The following ACKR2 variants were observed in gnomAD, a reference collection of about 807,000 sequenced individuals.
The protein encoded by ACKR2 is atypical chemokine receptor 2.
For missense variants in ACKR2, 457 were observed against 477.3 expected, an observed-to-expected ratio of 0.96 and a Z score of 0.40; for synonymous variants, 207 against 192.2, an observed-to-expected ratio of 1.08 and a Z score of -0.64.
chr3:42,846,001 G>A (rs992954280), intron 2 of ACKR2, among the ~76,000 whole-genome samples: 3 of 152,140 alleles, frequency 2.0e-5, no homozygotes, highest in African/African-American at 7.2e-5. Flanking sequence ...GCTGAGGGTG[G>A]GGGTGGAGGT....
chr3:42,825,769 G>A (rs1700856302), intron 2 of ACKR2, among the ~76,000 whole-genome samples: 1 of 151,740 alleles, frequency 6.6e-6, no homozygotes, highest in Non-Finnish European at 1.5e-5. Flanking sequence ...GGTGAAAGTG[G>A]GCATCTTTGT....
chr3:42,827,825 A>G (rs903752685), intron 2 of ACKR2, among the ~76,000 whole-genome samples: 4 of 152,130 alleles, frequency 2.6e-5, no homozygotes, highest in Admixed American at 2.0e-4. Flanking sequence ...GTCATCATCC[A>G]GCCTGTGCGT....
At chr3:42,816,309 C>A (rs79235240) in intron 1 of ACKR2, among the ~76,000 whole-genome samples, 6,974 of 151,890 alleles carry the variant, frequency 0.046, 211 homozygotes, top group Middle Eastern at 0.072. Context: ...TGGTGTACTT[C>A]AGCAAAGAAG....
chr3:42,812,680 C>CCTTTT (rs1700707643), intron 1 of ACKR2, among the ~76,000 whole-genome samples: 1 of 72,760 alleles, frequency 1.4e-5, no homozygotes, highest in Non-Finnish European at 2.4e-5. Context: ...AATTTTCAGC[C>CCTTTT]TTTTTTTTTT....
chr3:42,825,439 T>C (rs150517826), intron 2 of ACKR2, among the ~76,000 whole-genome samples: 88 of 152,278 alleles, frequency 5.8e-4, no homozygotes, highest in African/African-American at 2.0e-3. Context: ...TTAAATTTAT[T>C]CCTAGGTATC....
Position 42,865,147 on chromosome 3 carries a change from C to A in ACKR2, c.645C>A (p.Asn215Lys). ...AGCTCTTCCTCCGCTTCCAGCAGAA[C>A]CTCCTAGGGTTTCTCCTTCCACTCC... Reference protein sequence around the residue: ...IWKLFLRFQQNLLGFLLPLLA... With the variant: ...IWKLFLRFQQKLLGFLLPLLA... Residue 215 changes from asparagine (N) to lysine (K), a missense_variant, in exon 3 of 3, where the codon AAC becomes AAA. Transcript: ENST00000422265. 2 of 1,613,896 alleles carry A rather than the reference C, an allele frequency of 1.2e-6. No homozygotes were observed. The highest frequency in any genetic ancestry group is 1.1e-5 in the South Asian group (1 of 91,060).
rs555496806 is a variant in ACKR2 at position 42,813,950 on chromosome 3, T to A, written c.-119+4418T>A. 2.0e-5 allele frequency among the ~76,000 whole-genome samples: 3 copies of A among 152,322 alleles called. No individual in the cohort carries two copies. The South Asian group carries it at 6.2e-4, about 32-fold the overall frequency. ...AATTCTCCTTGCAAATTCTAAGAAG[T>A]TCACACTTTACCCAAACTTAATGTA... is the stretch of plus-strand genomic sequence containing the variant. On this transcript the variant is annotated intron_variant, in intron 1 of 2. Transcript: ENST00000422265.
chr3:42,845,634 TA>T (rs528302740), intron 2 of ACKR2, among the ~76,000 whole-genome samples: 253 of 151,938 alleles, frequency 1.7e-3, no homozygotes, highest in African/African-American at 5.7e-3. Context: ...ACTGACATTT[TA>T]AAAAACGTAA....
intron 2 of ACKR2, among the ~76,000 whole-genome samples, chr3:42,847,372 C>A (rs1701109579): frequency 6.6e-6 from 1 of 152,150 alleles, no homozygotes; most frequent in Non-Finnish European, 1.5e-5. Flanking sequence ...AGAGGAGCAT[C>A]ATTTCCTTCC....
At chr3:42,860,556 C>G (rs2088375382) in intron 2 of ACKR2, among the ~76,000 whole-genome samples, 1 of 152,210 alleles carries the variant, frequency 6.6e-6, no homozygotes, top group Non-Finnish European at 1.5e-5. Context: ...ACATTCTTCT[C>G]AGCATCCTGA....
At chr3:42,851,364 G>A in intron 2 of ACKR2, 1 of 985,430 alleles carries the variant, frequency 1.0e-6, no homozygotes, top group African/African-American at 1.7e-5. Context: ...ATTACACTCT[G>A]TCTGCACTTC....
intron 2 of ACKR2, among the ~76,000 whole-genome samples, chr3:42,826,616 T>C (rs948147588): frequency 2.0e-5 from 3 of 152,098 alleles, no homozygotes; most frequent in Non-Finnish European, 4.4e-5. Context: ...GCAATTAGAG[T>C]CTTCTCCCTT....
At chr3:42,814,728 T>G (rs933456747) in intron 1 of ACKR2, among the ~76,000 whole-genome samples, 1 of 152,184 alleles carries the variant, frequency 6.6e-6, no homozygotes, top group African/African-American at 2.4e-5. Context: ...ACTTAAAGAC[T>G]CAGTCCCTGC....
At chr3:42,853,031 G>T (rs557037159) in intron 2 of ACKR2, among the ~76,000 whole-genome samples, 1 of 152,266 alleles carries the variant, frequency 6.6e-6, no homozygotes, top group South Asian at 2.1e-4. Context: ...GGAAGACACA[G>T]CAATGACTGG....
intron 2 of ACKR2, among the ~76,000 whole-genome samples, chr3:42,845,781 G>A (rs1463740995): frequency 1.3e-5 from 2 of 150,806 alleles, no homozygotes; most frequent in African/African-American, 2.4e-5. Context: ...CCTGGAAGGC[G>A]GAGGCTGCAG....
intron 2 of ACKR2, among the ~76,000 whole-genome samples, chr3:42,830,693 T>TC (rs767526871): frequency 2.7e-4 from 41 of 151,828 alleles, no homozygotes; most frequent in Admixed American, 2.2e-3. Flanking sequence ...TTCTTTTCTT[T>TC]TTTTTTTTAT....
intron 2 of ACKR2, among the ~76,000 whole-genome samples, chr3:42,826,828 G>A (rs1700870363): frequency 6.6e-6 from 1 of 152,134 alleles, no homozygotes; most frequent in Non-Finnish European, 1.5e-5. Context: ...TTAGTTTACT[G>A]AATTGGGGTC....
intron 1 of ACKR2, among the ~76,000 whole-genome samples, chr3:42,816,932 G>C (rs1700756740): frequency 6.6e-6 from 1 of 152,178 alleles, no homozygotes; most frequent in South Asian, 2.1e-4. Flanking sequence ...AAATTTGGTA[G>C]AGTGGAAAAG....
intron 2 of ACKR2, among the ~76,000 whole-genome samples, chr3:42,828,092 A>ATTTTTTTTTTTT (rs71072742): frequency 4.1e-5 from 5 of 121,896 alleles, no homozygotes; most frequent in South Asian, 2.8e-4. Flanking sequence ...ATATATATAT[A>ATTTTTTTTTTTT]TTTTTTTTTT....
Sources: gnomAD v4.1 joint callset for allele counts (sites outside exome capture counted in the v4.1 genomes callset) on GRCh38, gnomAD v4.1.1 for gene constraint, MANE v1.5 for transcripts, NCBI Gene and HGNC (gene_info 2026-07-23, HGNC 2026-07-21) for gene names.